The following CDKN2B-AS1 variants were observed in gnomAD, a reference collection of about 807,000 sequenced individuals.
CDKN2B-AS1 encodes the protein CDKN2B antisense RNA 1 (non-protein coding).
chr9:22,041,032 T>C (rs1440538892), intron 1 of CDKN2B-AS1, among the ~76,000 whole-genome samples: 2 of 152,042 alleles, frequency 1.3e-5, no homozygotes, highest in African/African-American at 4.8e-5. Flanking sequence ...TAGTCACTTC[T>C]GTGGTTTTGT....
intron 1 of CDKN2B-AS1, among the ~76,000 whole-genome samples, chr9:22,021,951 G>GT (rs1199099682): frequency 6.6e-6 from 1 of 152,150 alleles, no homozygotes; most frequent in East Asian, 1.9e-4. Context: ...CACTTTCCGT[G>GT]TAATTGTATG....
chr9:22,028,224 A>G (rs1390347843), intron 1 of CDKN2B-AS1, among the ~76,000 whole-genome samples: 1 of 152,072 alleles, frequency 6.6e-6, no homozygotes, highest in Non-Finnish European at 1.5e-5. Flanking sequence ...ATATAAAAAT[A>G]TTTAAAATAT....
At chr9:22,019,309 G>A (rs150534527) in intron 1 of CDKN2B-AS1, among the ~76,000 whole-genome samples, 62 of 152,344 alleles carry the variant, frequency 4.1e-4, no homozygotes, top group Middle Eastern at 3.4e-3. Flanking sequence ...GAATGGTTTA[G>A]GGGAGAGGCA....
intron 4 of CDKN2B-AS1, among the ~76,000 whole-genome samples, chr9:22,085,364 T>G (rs1395835906): frequency 6.6e-6 from 1 of 152,174 alleles, no homozygotes; most frequent in African/African-American, 2.4e-5. Flanking sequence ...GTGTGCCTGT[T>G]TATCCCAAGG....
rs191774214 is a variant in CDKN2B-AS1, at chr9:22,005,664, G to C, written n.29+10503G>C. 1 of 490,092 alleles carries C rather than the reference G, an allele frequency of 2.0e-6. No homozygotes were observed. The highest frequency in any genetic ancestry group is 3.6e-5 in the East Asian group (1 of 27,638). The allele number at this position is 490,092 out of a possible 1,614,324, so 30.4% of individuals were successfully genotyped here. On this transcript the variant is annotated intron_variant and non_coding_transcript_variant, in intron 1 of 4. Transcript: ENST00000650946. The surrounding 1 kb of genome is among the most constrained non-coding windows in gnomAD (Gnocchi z 4.9). Reference sequence around the variant, plus strand: ...GGAAGATTCGTAGCCACCAGGTCCAGTCAAGGATTTCATATGCACTTTCCC... The same window carrying C: ...GGAAGATTCGTAGCCACCAGGTCCACTCAAGGATTTCATATGCACTTTCCC...
chr9:22,050,686 T>TG (rs1439136636), intron 3 of CDKN2B-AS1, among the ~76,000 whole-genome samples: 2 of 152,192 alleles, frequency 1.3e-5, no homozygotes, highest in African/African-American at 4.8e-5. Context: ...CTAAGACAAT[T>TG]GGAGGTGGTA....
At chr9:22,103,740 C>A (rs1050400497) in intron 4 of CDKN2B-AS1, among the ~76,000 whole-genome samples, 5 of 152,152 alleles carry the variant, frequency 3.3e-5, no homozygotes, top group Non-Finnish European at 7.3e-5. Flanking sequence ...CAGCCAACCC[C>A]CTGTATTGTA....
At chr9:22,076,967 G>A (rs1421332126) in intron 4 of CDKN2B-AS1, among the ~76,000 whole-genome samples, 1 of 152,180 alleles carries the variant, frequency 6.6e-6, no homozygotes, top group African/African-American at 2.4e-5. Flanking sequence ...TTACAGGCAT[G>A]AGCCATCATG....
intron 4 of CDKN2B-AS1, among the ~76,000 whole-genome samples, chr9:22,091,142 T>A (rs987273593): frequency 1.3e-5 from 2 of 152,236 alleles, no homozygotes; most frequent in African/African-American, 2.4e-5. Context: ...GTTGTAGATA[T>A]GTGGCATTAT....
chr9:22,072,478 T>G (rs1384890453), intron 4 of CDKN2B-AS1, among the ~76,000 whole-genome samples: 2 of 152,226 alleles, frequency 1.3e-5, no homozygotes, highest in African/African-American at 4.8e-5. Flanking sequence ...TTCCATTTCA[T>G]CTCTAATAAT....
In CDKN2B-AS1 at chr9:22,046,331, C is replaced by G. The variant is rs1475799237; in HGVS notation, n.30-420C>G. 5 of 152,016 alleles carry G rather than the reference C, an allele frequency of 3.3e-5. No homozygotes were observed. In the East Asian group the frequency reaches 7.7e-4, roughly 23 times the overall value. The allele number at this position is 152,016 out of a possible 1,614,324, so 9.4% of individuals were successfully genotyped here. A position where few individuals can be genotyped will look rare whatever the true frequency, so the allele number is the denominator to read the frequency against. ...CACTATTTCAGATATTGAGAAACCACAGAAAGAGAGAAGTTAAATAATTTT... is the reference window on the plus strand; with the variant it reads ...CACTATTTCAGATATTGAGAAACCAGAGAAAGAGAGAAGTTAAATAATTTT... On this transcript the variant is annotated intron_variant and non_coding_transcript_variant, in intron 1 of 4. Transcript: ENST00000650946.
chr9:22,064,831 C>G (rs531359275), intron 4 of CDKN2B-AS1, among the ~76,000 whole-genome samples: 2 of 152,208 alleles, frequency 1.3e-5, no homozygotes, highest in South Asian at 2.1e-4. Context: ...TCTAGCCTAA[C>G]GACAAACCTA....
chr9:22,116,510 G>A (rs1054027925), intron 4 of CDKN2B-AS1, among the ~76,000 whole-genome samples: 1 of 152,220 alleles, frequency 6.6e-6, no homozygotes, highest in African/African-American at 2.4e-5. Context: ...GAGCAGGAAG[G>A]AAAATATAGC....
chr9:22,050,122 T>G (rs960600585), intron 3 of CDKN2B-AS1, among the ~76,000 whole-genome samples: 6 of 152,226 alleles, frequency 3.9e-5, no homozygotes, highest in African/African-American at 1.4e-4. Flanking sequence ...AAAAGTTGAA[T>G]GTATATACTG....
At chr9:22,120,452 G>A (rs1448408404) in intron 4 of CDKN2B-AS1, 8 of 151,956 alleles carry the variant, frequency 5.3e-5, no homozygotes, top group South Asian at 2.1e-4. Context: ...GGATTATATG[G>A]TATTACTGTC....
chr9:22,011,886 G>C (rs1821524083), intron 1 of CDKN2B-AS1, among the ~76,000 whole-genome samples: 1 of 152,204 alleles, frequency 6.6e-6, no homozygotes, highest in African/African-American at 2.4e-5. Context: ...ACTTGGAATT[G>C]TCAGAGCCAT....
intron 4 of CDKN2B-AS1, among the ~76,000 whole-genome samples, chr9:22,084,008 C>G (rs1824786708): frequency 6.6e-6 from 1 of 152,178 alleles, no homozygotes; most frequent in African/African-American, 2.4e-5. Flanking sequence ...TTGATTGAAA[C>G]TTTTGCTTTT....
At chr9:22,096,572 C>T (rs796912531) in intron 4 of CDKN2B-AS1, 5 of 152,318 alleles carry the variant, frequency 3.3e-5, no homozygotes, top group African/African-American at 1.2e-4. Context: ...TGCTTAAAAT[C>T]CTGCAGTAGC....
chr9:22,003,795 C>T (rs1821038520), intron 1 of CDKN2B-AS1: 2 of 231,904 alleles, frequency 8.6e-6, no homozygotes, highest in Non-Finnish European at 1.7e-5. Context: ...AAATAGTTTT[C>T]AAACAAACCG....
Sources: gnomAD v4.1 joint callset for allele counts (sites outside exome capture counted in the v4.1 genomes callset) on GRCh38, gnomAD v4.1.1 for gene constraint, Gnocchi (gnomAD v3.1) non-coding constraint, MANE v1.5 for transcripts, NCBI Gene and HGNC (gene_info 2026-07-23, HGNC 2026-07-21) for gene names.